HMCN1: variants seen among roughly 807,000 people sequenced by gnomAD.
HMCN1 encodes hemicentin-1.
HMCN1 carries 321 observed loss-of-function variants against 625.9 expected under a neutral mutation model. That is an observed-to-expected ratio of 0.51 (90% CI 0.47 to 0.56). The LOEUF (loss-of-function observed/expected upper bound fraction) is 0.56, where lower values mean the gene tolerates loss of function less well. Ranked by LOEUF, HMCN1 falls within the 20% of genes least tolerant of loss-of-function variation. The probability of loss-of-function intolerance (pLI) is 0.00; values close to 1 mark genes in which losing one functional copy is unlikely to be tolerated. For synonymous variants in HMCN1, 2,425 were observed against 2,417.6 expected, an observed-to-expected ratio of 1.00 and a Z score of -0.09; for missense variants, 6,588 against 6,887.3, an observed-to-expected ratio of 0.96 and a Z score of 1.54.
Position 186,070,768 on chromosome 1 carries a change from A to G in HMCN1, c.8139+11A>G, listed in dbSNP as rs765613199. ...TACAAGGATGGACAGGCCAGTCACAACTTTTTTCATTTGCTGATGATTTCT... is the reference window on the plus strand; with the variant it reads ...TACAAGGATGGACAGGCCAGTCACAGCTTTTTTCATTTGCTGATGATTTCT... On this transcript the variant is annotated intron_variant, in intron 52 of 106. Transcript: ENST00000271588. 1 of 1,613,522 alleles carries G rather than the reference A, an allele frequency of 6.2e-7. No individual in the cohort carries two copies. The highest frequency in any genetic ancestry group is 2.2e-5 in the East Asian group (1 of 44,806).
intron 75 of HMCN1, among the ~76,000 whole-genome samples, chr1:186,116,421 AAT>A (rs3057359): frequency 2.0e-5 from 3 of 148,990 alleles, no homozygotes; most frequent in African/African-American, 2.5e-5. Context: ...TTCAAAACTA[AAT>A]ATATATATAT....
At chr1:185,763,322 G>A (rs1571317931) in intron 1 of HMCN1, among the ~76,000 whole-genome samples, 1 of 152,218 alleles carries the variant, frequency 6.6e-6, no homozygotes, top group Middle Eastern at 3.4e-3. Context: ...TTGGGGTCAA[G>A]GGCTGGCAGG....
chr1:185,743,800 A>G lies in HMCN1; in HGVS notation c.268+8753A>G, dbSNP rs187683656. Among the ~76,000 whole-genome samples, 18 of 152,316 alleles carry G rather than the reference A, an allele frequency of 1.2e-4. No individual in the cohort carries two copies. The East Asian group carries it at 3.5e-3, about 29-fold the overall frequency. ...TGATGCTATCATGGTTAAATAAAAC[A>G]TTATATGTGAAAGTCCTTTAAAAGT... On this transcript the variant is annotated intron_variant, in intron 1 of 106. Transcript: ENST00000271588.
At chr1:185,913,057 A>T (rs2102458162) in intron 6 of HMCN1, among the ~76,000 whole-genome samples, 1 of 152,286 alleles carries the variant, frequency 6.6e-6, no homozygotes, top group South Asian at 2.1e-4. Flanking sequence ...TCCCCAGTTT[A>T]AAGAATGAAT....
Position 186,145,835 on chromosome 1 carries a change from G to C in HMCN1, c.14520G>C (p.Leu4840=). 2 of 1,614,092 alleles carry C rather than the reference G, an allele frequency of 1.2e-6. No homozygotes were observed. The highest frequency in any genetic ancestry group is 8.5e-7 in the Non-Finnish European group (1 of 1,179,988). Residue 4840 remains leucine, a synonymous_variant, in exon 93 of 107, where the codon CTG becomes CTC. Transcript: ENST00000271588. ...CGGGEKTRKR[L]CDHPVPVKGG... ...GAGGTGAAAAGACTCGGAAGCGGCT[G>C]TGCGACCATCCTGTGCCAGTTAAAG...
chr1:186,063,075 T>TATATATATATATATAA (rs1558188057), intron 48 of HMCN1, among the ~76,000 whole-genome samples: 6 of 90,098 alleles, frequency 6.7e-5, no homozygotes, highest in African/African-American at 2.8e-4. Flanking sequence ...TGCATATATA[T>TATATATATATATATAA]ATATATATAT....
At chr1:185,930,895 A>T (rs890060268) in intron 10 of HMCN1, among the ~76,000 whole-genome samples, 5 of 147,016 alleles carry the variant, frequency 3.4e-5, no homozygotes, top group African/African-American at 1.3e-4. Flanking sequence ...TAACACAATG[A>T]CTTTCACCCA....
chr1:185,839,729 G>A (rs767846393), intron 1 of HMCN1, among the ~76,000 whole-genome samples: 11 of 152,096 alleles, frequency 7.2e-5, no homozygotes, highest in Non-Finnish European at 8.8e-5. Flanking sequence ...GTGTAACATT[G>A]CTGAATTTAT....
intron 4 of HMCN1, among the ~76,000 whole-genome samples, chr1:185,881,000 C>T (rs966441149): frequency 4.6e-5 from 7 of 152,176 alleles, no homozygotes; most frequent in East Asian, 3.9e-4. Flanking sequence ...AAAATCTTTG[C>T]GGCAGCATCC....
At chr1:186,016,799 C>G (rs980947) in intron 32 of HMCN1, among the ~76,000 whole-genome samples, 164 bp from the exon 33 acceptor site, 58,471 of 151,912 alleles carry the variant, frequency 0.38, 12,210 homozygotes, top group Non-Finnish European at 0.47. Flanking sequence ...CCTGACAAGG[C>G]TTTATTGTAA....
intron 87 of HMCN1, among the ~76,000 whole-genome samples, chr1:186,137,180 T>G (rs1217441434): frequency 6.6e-6 from 1 of 152,192 alleles, no homozygotes; most frequent in Non-Finnish European, 1.5e-5. Flanking sequence ...ACTAAATCTA[T>G]TCTTAGAAAT....
chr1:185,745,014 T>C (rs1376450658), intron 1 of HMCN1, among the ~76,000 whole-genome samples: 1 of 152,052 alleles, frequency 6.6e-6, no homozygotes, highest in East Asian at 1.9e-4. Context: ...CTATTAAGAA[T>C]GTCCAATGGA....
At chr1:186,098,110 C>T (rs1420862281) in intron 68 of HMCN1, among the ~76,000 whole-genome samples, 1 of 151,802 alleles carries the variant, frequency 6.6e-6, no homozygotes, top group African/African-American at 2.4e-5. Flanking sequence ...TAGATGAAAA[C>T]ACAGAGGAAA....
chr1:185,755,764 G>A lies in HMCN1; in HGVS notation c.268+20717G>A, dbSNP rs78940573. 8.3e-3 allele frequency among the ~76,000 whole-genome samples: 1,263 copies of A among 152,270 alleles called. 12 individuals carry two copies. The highest frequency in any genetic ancestry group is 0.027 in the Middle Eastern group (8 of 294). On this transcript the variant is annotated intron_variant, in intron 1 of 106. Transcript: ENST00000271588. ...GATTAGGAATTTCCATTTTTCTCTG[G>A]GATGGGGTGGGGAAGTGAGTTCCAG...
intron 41 of HMCN1, among the ~76,000 whole-genome samples, chr1:186,047,738 G>A (rs1041259421): frequency 3.3e-5 from 5 of 152,182 alleles, no homozygotes; most frequent in African/African-American, 1.2e-4. Flanking sequence ...TCTTTTAATT[G>A]ATTGAGTTTC....
intron 26 of HMCN1, among the ~76,000 whole-genome samples, chr1:186,000,723 A>G (rs899435582): frequency 1.3e-5 from 2 of 152,044 alleles, no homozygotes; most frequent in Non-Finnish European, 2.9e-5. Flanking sequence ...CTGTCTCACT[A>G]AACAATCTAT....
At chr1:185,808,354 A>T (rs1659304669) in intron 1 of HMCN1, among the ~76,000 whole-genome samples, 1 of 152,018 alleles carries the variant, frequency 6.6e-6, no homozygotes, top group Non-Finnish European at 1.5e-5. Flanking sequence ...CTCAAAAAAT[A>T]AATAAATAAA....
chr1:186,044,540 C>T (rs1431960914), intron 40 of HMCN1, among the ~76,000 whole-genome samples: 3 of 152,114 alleles, frequency 2.0e-5, no homozygotes, highest in Non-Finnish European at 2.9e-5. Context: ...TTGCCACATG[C>T]TGGTGAAGTA....
intron 23 of HMCN1, chr1:185,993,521 A>G (rs1162060954): frequency 3.3e-5 from 17 of 509,982 alleles, no homozygotes; most frequent in African/African-American, 3.1e-4. Context: ...CCTTTATCAA[A>G]TAAACTATGT....
Sources: gnomAD v4.1 joint callset for allele counts (sites outside exome capture counted in the v4.1 genomes callset) on GRCh38, gnomAD v4.1.1 for gene constraint, MANE v1.5 for transcripts, NCBI Gene and HGNC (gene_info 2026-07-23, HGNC 2026-07-21) for gene names.